The following TXNDC8 variants were observed in gnomAD, a reference collection of about 807,000 sequenced individuals.
TXNDC8 encodes thioredoxin domain containing 8.
Under a neutral mutation model 12.9 loss-of-function variants are expected in TXNDC8, and 15 were observed. That is an observed-to-expected ratio of 1.16 (90% CI 0.78 to 1.79). TXNDC8 has a LOEUF of 1.79. TXNDC8 is among the 40% of genes most tolerant of loss of function. The pLI is 0.00. For missense variants in TXNDC8, 128 were observed against 113.2 expected (o/e 1.13, Z -0.59); for synonymous variants, 40 against 35.4 (o/e 1.13, Z -0.46).
chr9:110,324,300 G>C (rs1038399215), intron 3 of TXNDC8, among the ~76,000 whole-genome samples: 5 of 152,108 alleles, frequency 3.3e-5, no homozygotes, highest in African/African-American at 1.2e-4. Flanking sequence ...AGTTGAGGGA[G>C]CATATGTTAA....
intron 3 of TXNDC8, among the ~76,000 whole-genome samples, chr9:110,305,851 CTTTCTTTTTCTTTTCTTTTCT>C (rs1564093263): frequency 9.5e-6 from 1 of 104,870 alleles, no homozygotes; most frequent in African/African-American, 3.7e-5. Context: ...CTTTTCTTTT[CTTTCTTTTTCTTTTCTTTTCT>C]TTTCTTTTTT....
At chr9:110,306,678 CTT>C (rs1218505869) in intron 3 of TXNDC8, among the ~76,000 whole-genome samples, 2 of 152,216 alleles carry the variant, frequency 1.3e-5, no homozygotes, top group East Asian at 3.9e-4. Context: ...CTAGTGATAA[CTT>C]TTTACTATTG....
chr9:110,309,923 AAAAGT>A (rs1838601400), intron 3 of TXNDC8, among the ~76,000 whole-genome samples: 1 of 151,964 alleles, frequency 6.6e-6, no homozygotes, highest in Admixed American at 6.6e-5. Context: ...TTAAGAAAAA[AAAAGT>A]GGGAAACCAA....
At chr9:110,322,259 C>T (rs1434217164) in intron 3 of TXNDC8, among the ~76,000 whole-genome samples, 1 of 151,600 alleles carries the variant, frequency 6.6e-6, no homozygotes, top group Non-Finnish European at 1.5e-5. Context: ...CTCAATAAAA[C>T]TTCTTGAGAT....
downstream of TXNDC8, among the ~76,000 whole-genome samples, chr9:110,302,327 G>T (rs1838287294): frequency 6.6e-6 from 1 of 151,738 alleles, no homozygotes; most frequent in Non-Finnish European, 1.5e-5. Flanking sequence ...GTAGAGACAG[G>T]GTTTCACCAT....
In TXNDC8 at chr9:110,337,638, A is replaced by T. The variant is rs980762278; in HGVS notation, c.24+135T>A. The T allele has an allele frequency of 1.4e-5, 11 of 802,624 alleles. No individual in the cohort carries two copies. In the African/African-American group the frequency reaches 2.0e-4, roughly 14 times the overall value. 49.7% of individuals were successfully genotyped at this position (802,624 alleles called of 1,614,324 possible). A position where few individuals can be genotyped will look rare whatever the true frequency, so the allele number is the denominator to read the frequency against. Reference sequence around the variant, plus strand: ...CCCTCAAGGAACAAGATAAAGAACAAGAATTTAGAACTCTCCCCTTGCTAC... The same window carrying T: ...CCCTCAAGGAACAAGATAAAGAACATGAATTTAGAACTCTCCCCTTGCTAC... On this transcript the variant is annotated intron_variant, in intron 1 of 4. Coordinates refer to ENST00000423740, the MANE Select transcript of TXNDC8 (RefSeq NM_001286946.2).
intron 3 of TXNDC8, among the ~76,000 whole-genome samples, chr9:110,312,690 C>T (rs954872780): frequency 1.3e-5 from 2 of 152,224 alleles, no homozygotes; most frequent in African/African-American, 4.8e-5. Flanking sequence ...ATTCTTGCTG[C>T]ACTGTATACA....
chr9:110,323,336 G>A lies in TXNDC8; in HGVS notation c.195+2839C>T. 7.1e-6 allele frequency: 7 copies of A among 985,528 alleles called. No homozygotes were observed. The South Asian group carries it at 3.3e-4, about 46-fold the overall frequency. 61.0% of individuals were successfully genotyped at this position (985,528 alleles called of 1,614,324 possible). A position where few individuals can be genotyped will look rare whatever the true frequency, so the allele number is the denominator to read the frequency against. On this transcript the variant is annotated intron_variant, in intron 3 of 4. Transcript: ENST00000423740. ...GACAAGCCAGAGGAGAGCATAGGGA[G>A]GGATGAGAGATAAAGTCAAAAGAGA... is the stretch of plus-strand genomic sequence containing the variant.
chr9:110,326,881 ATCTC>A (rs1839339853), intron 2 of TXNDC8, among the ~76,000 whole-genome samples: 1 of 151,102 alleles, frequency 6.6e-6, no homozygotes, highest in Admixed American at 6.6e-5. Flanking sequence ...AGAACAGGAC[ATCTC>A]TCTCTAATAT....
At chr9:110,336,054 T>A (rs1001787003) in intron 1 of TXNDC8, among the ~76,000 whole-genome samples, 1 of 152,294 alleles carries the variant, frequency 6.6e-6, no homozygotes, top group Admixed American at 6.5e-5. Context: ...TAAAGGGCAG[T>A]TCCCCTGCAC....
At chr9:110,336,632 A>AAAAAC (rs1016107910) in intron 1 of TXNDC8, among the ~76,000 whole-genome samples, 4 of 152,222 alleles carry the variant, frequency 2.6e-5, no homozygotes, top group African/African-American at 4.8e-5. Context: ...CACTGTGGAC[A>AAAAAC]AAAACAAAAC....
intron 3 of TXNDC8, 49 bp from the exon 5 acceptor site, chr9:110,304,581 T>C: frequency 6.5e-7 from 1 of 1,548,948 alleles, no homozygotes; most frequent in South Asian, 1.2e-5. Context: ...GCCTGGTTTG[T>C]AACCATCTCC....
intron 2 of TXNDC8, among the ~76,000 whole-genome samples, chr9:110,330,574 C>G (rs1839510100): frequency 6.6e-6 from 1 of 152,224 alleles, no homozygotes. Flanking sequence ...AAAATTTTAG[C>G]CTCTCCTTTT....
intron 3 of TXNDC8, among the ~76,000 whole-genome samples, chr9:110,305,550 CTTTCTTTCTTTCTTTCTTTCTTTCT>C (rs1838406298): frequency 6.3e-5 from 2 of 31,978 alleles, no homozygotes; most frequent in Admixed American, 3.9e-4. Context: ...TTTTCTTTTT[CTTTCTTTCTTTCTTTCTTTCTTTCT>C]TTCTTTCTTT....
chr9:110,313,011 T>C (rs563933412), intron 3 of TXNDC8, among the ~76,000 whole-genome samples: 1 of 152,288 alleles, frequency 6.6e-6, no homozygotes, highest in South Asian at 2.1e-4. Flanking sequence ...ATTCAAGTGA[T>C]TCTCCTGCCT....
chr9:110,318,279 T>C (rs1187471079), intron 3 of TXNDC8, among the ~76,000 whole-genome samples: 1 of 152,222 alleles, frequency 6.6e-6, no homozygotes, highest in Non-Finnish European at 1.5e-5. Context: ...ATCTTTTTTT[T>C]CTGCGCTTTT....
intron 2 of TXNDC8, among the ~76,000 whole-genome samples, chr9:110,331,970 C>G (rs996393336): frequency 6.6e-6 from 1 of 152,150 alleles, no homozygotes; most frequent in Admixed American, 6.5e-5. Flanking sequence ...CCCTCATATA[C>G]TATGAGTTAA....
At chr9:110,302,629 G>C (rs1470958383), downstream of TXNDC8, among the ~76,000 whole-genome samples, 1 of 150,692 alleles carries the variant, frequency 6.6e-6, no homozygotes, top group Non-Finnish European at 1.5e-5. Context: ...GTCTGAGTTA[G>C]CTCAGTTTTT....
chr9:110,329,170 T>G (rs1417951279), intron 2 of TXNDC8, 62 bp downstream of exon 3: 1 of 1,354,526 alleles, frequency 7.4e-7, no homozygotes, highest in Non-Finnish European at 1.0e-6. Context: ...ACTGAGACAG[T>G]GCTATTCAAT....
Sources: gnomAD v4.1 joint callset for allele counts (sites outside exome capture counted in the v4.1 genomes callset) on GRCh38, gnomAD v4.1.1 for gene constraint, MANE v1.5 for transcripts, NCBI Gene and HGNC (gene_info 2026-07-23, HGNC 2026-07-21) for gene names.